FARS2: variants seen among roughly 807,000 people sequenced by gnomAD.
FARS2 encodes phenylalanyl-tRNA synthetase 2, mitochondrial.
FARS2 carries 40 observed loss-of-function variants against 46.4 expected under a neutral mutation model. That is an observed-to-expected ratio of 0.86 (90% CI 0.67 to 1.12). FARS2 has a LOEUF of 1.12. Among genes scored for constraint, FARS2 ranks in the 50% most tolerant of loss-of-function variants. FARS2 has a pLI of 0.00. For missense variants in FARS2, 513 were observed against 567.9 expected (o/e 0.90, Z 0.98); for synonymous variants, 234 against 214.9 (o/e 1.09, Z -0.78).
chr6:5,405,477 G>GTTTT (rs1554181324), intron 3 of FARS2, among the ~76,000 whole-genome samples: 2 of 93,164 alleles, frequency 2.1e-5, no homozygotes, highest in African/African-American at 4.6e-5. Flanking sequence ...GTGGAGCAAG[G>GTTTT]TTCTTTTTTT....
chr6:5,614,299 C>A (rs367679272), intron 6 of FARS2, among the ~76,000 whole-genome samples: 2 of 152,188 alleles, frequency 1.3e-5, no homozygotes, highest in South Asian at 2.1e-4. Flanking sequence ...TTCACACCTC[C>A]ATTTTCCCTT....
intron 6 of FARS2, among the ~76,000 whole-genome samples, chr6:5,623,389 CT>C (rs1466281937): frequency 6.6e-6 from 1 of 152,026 alleles, no homozygotes; most frequent in African/African-American, 2.4e-5. Flanking sequence ...CATGTTATTC[CT>C]GCAATTTAAG....
chr6:5,644,907 G>A (rs1445868690), intron 6 of FARS2, among the ~76,000 whole-genome samples: 1 of 152,184 alleles, frequency 6.6e-6, no homozygotes, highest in African/African-American at 2.4e-5. Flanking sequence ...AATGGGAATA[G>A]CTGCACACTC....
chr6:5,479,433 G>A (rs1026303448), intron 4 of FARS2, among the ~76,000 whole-genome samples: 7 of 152,146 alleles, frequency 4.6e-5, no homozygotes, highest in African/African-American at 1.2e-4. Flanking sequence ...GTGTTCATGC[G>A]TTTGACCAGG....
In FARS2 at chr6:5,724,417, C is replaced by A. The variant is rs1760120158; in HGVS notation, c.1218-46874C>A. Among the ~76,000 whole-genome samples, 7 of 152,348 alleles carry A rather than the reference C, an allele frequency of 4.6e-5. No individual in the cohort carries two copies. The South Asian group carries it at 1.4e-3, about 32-fold the overall frequency. On this transcript the variant is annotated intron_variant, in intron 6 of 6. Transcript: ENST00000274680. ...CGAAATATCCATGACCATAGTAGTG[C>A]CACTGTGGCCTGAGTCTCAGGATTG...
chr6:5,303,918 A>G (rs1466830737), intron 1 of FARS2, among the ~76,000 whole-genome samples: 2 of 151,900 alleles, frequency 1.3e-5, no homozygotes, highest in Non-Finnish European at 2.9e-5. Context: ...CAAGTACGCA[A>G]CACCTCCAGG....
In FARS2 at chr6:5,338,262, C is replaced by A. The variant is rs1469927898; in HGVS notation, c.-21-30288C>A. ...TTAAAAAATTATTCATGTGAATTTC[C>A]TACTAACTAACTTGCTCTCACGATG... On this transcript the variant is annotated intron_variant, in intron 1 of 6. Transcript: ENST00000274680. Among the ~76,000 whole-genome samples the A allele has an allele frequency of 2.6e-5, 4 of 152,096 alleles. No individual in the cohort carries two copies. The East Asian group carries it at 7.7e-4, about 29-fold the overall frequency.
chr6:5,546,929 GTTATT>G (rs58939691), intron 5 of FARS2, among the ~76,000 whole-genome samples: 9 of 151,050 alleles, frequency 6.0e-5, no homozygotes, highest in Non-Finnish European at 8.8e-5. Flanking sequence ...ATTCATAATG[GTTATT>G]TTATTTTATT....
At chr6:5,741,110 A>G (rs1761307635) in intron 6 of FARS2, among the ~76,000 whole-genome samples, 1 of 152,220 alleles carries the variant, frequency 6.6e-6, no homozygotes, top group African/African-American at 2.4e-5. Context: ...GAGTTGGTGC[A>G]CATCCAGATC....
chr6:5,565,869 G>A (rs991230297), intron 5 of FARS2, among the ~76,000 whole-genome samples: 5 of 152,054 alleles, frequency 3.3e-5, no homozygotes, highest in African/African-American at 1.2e-4. Context: ...CCTTTCATTA[G>A]CCTTTACTGT....
At chr6:5,700,064 A>G (rs1032931912) in intron 6 of FARS2, among the ~76,000 whole-genome samples, 2 of 152,228 alleles carry the variant, frequency 1.3e-5, no homozygotes, top group South Asian at 4.1e-4. Context: ...GACTATTAGC[A>G]GAAGTCACCA....
At chr6:5,363,699 C>T (rs1316053695) in intron 1 of FARS2, among the ~76,000 whole-genome samples, 2 of 152,114 alleles carry the variant, frequency 1.3e-5, no homozygotes, top group African/African-American at 4.8e-5. Flanking sequence ...GAAACAGGCC[C>T]GTTTCCTTCT....
At chr6:5,362,900 A>G (rs888549994) in intron 1 of FARS2, among the ~76,000 whole-genome samples, 5 of 148,870 alleles carry the variant, frequency 3.4e-5, no homozygotes, top group African/African-American at 9.9e-5. Flanking sequence ...ATCTTTATTC[A>G]GATCCTTTGC....
chr6:5,286,769 T>G (rs540358021), intron 1 of FARS2, among the ~76,000 whole-genome samples: 1 of 152,320 alleles, frequency 6.6e-6, no homozygotes, highest in South Asian at 2.1e-4. Context: ...TAATGTATAC[T>G]TTATTATTAT....
intron 4 of FARS2, among the ~76,000 whole-genome samples, chr6:5,464,873 A>AAAG (rs1331783604): frequency 1.3e-5 from 2 of 152,216 alleles, no homozygotes; most frequent in Non-Finnish European, 2.9e-5. Context: ...GAAAATAACA[A>AAAG]AATGAACATC....
intron 4 of FARS2, among the ~76,000 whole-genome samples, chr6:5,515,828 G>A (rs930384068): frequency 3.9e-5 from 6 of 152,114 alleles, no homozygotes; most frequent in Admixed American, 1.3e-4. Context: ...GTATAATTTA[G>A]CATATCATTT....
intron 6 of FARS2, among the ~76,000 whole-genome samples, chr6:5,725,424 G>A (rs1196455833): frequency 6.6e-6 from 1 of 152,184 alleles, no homozygotes. Context: ...GAGTTTTGAG[G>A]CAGTTATTTT....
At chr6:5,528,395 A>G (rs1769607223) in intron 4 of FARS2, among the ~76,000 whole-genome samples, 2 of 152,094 alleles carry the variant, frequency 1.3e-5, no homozygotes, top group Non-Finnish European at 2.9e-5. Context: ...CAAAACATCC[A>G]TGTTCAGGAT....
chr6:5,475,292 T>G (rs1057283425), intron 4 of FARS2, among the ~76,000 whole-genome samples: 1 of 152,174 alleles, frequency 6.6e-6, no homozygotes, highest in Admixed American at 6.5e-5. Flanking sequence ...AAGTATATTT[T>G]AGGCACGTGC....
Sources: gnomAD v4.1 joint callset for allele counts (sites outside exome capture counted in the v4.1 genomes callset) on GRCh38, gnomAD v4.1.1 for gene constraint, MANE v1.5 for transcripts, NCBI Gene and HGNC (gene_info 2026-07-23, HGNC 2026-07-21) for gene names.